The following RETREG3 variants were observed in gnomAD, a reference collection of about 807,000 sequenced individuals.
RETREG3 encodes reticulophagy regulator family member 3.
Under a neutral mutation model 50.2 loss-of-function variants are expected in RETREG3, and 23 were observed. The observed-to-expected ratio is 0.46, with a 90% CI of 0.33 to 0.65. The LOEUF is 0.65. Ranked by LOEUF, RETREG3 falls within the 30% of genes least tolerant of loss-of-function variation. The pLI, the probability that RETREG3 is intolerant of heterozygous loss-of-function variation, is 0.02. For synonymous variants in RETREG3, 240 were observed against 234.4 expected (o/e 1.02, Z -0.22); for missense variants, 546 against 598.0 (o/e 0.91, Z 0.91).
At chr17:42,598,414 C>A (rs2093152320) in intron 1 of RETREG3, among the ~76,000 whole-genome samples, 3 of 152,100 alleles carry the variant, frequency 2.0e-5, no homozygotes, top group South Asian at 4.1e-4. Flanking sequence ...AGAAAATATA[C>A]CCTTTATGAA....
intron 8 of RETREG3, 51 bp from the exon 9 acceptor site, chr17:42,582,321 T>C: frequency 6.5e-7 from 1 of 1,532,162 alleles, no homozygotes; most frequent in East Asian, 2.3e-5. Context: ...GGCCCTCCTG[T>C]GCCCCAGCCC....
At chr17:42,600,773 T>C (rs2093156949) in intron 1 of RETREG3, among the ~76,000 whole-genome samples, 1 of 152,238 alleles carries the variant, frequency 6.6e-6, no homozygotes, top group Non-Finnish European at 1.5e-5. Flanking sequence ...ATTCTCTTCA[T>C]TAAAAAATTC....
chr17:42,599,278 G>A (rs1045072569), intron 1 of RETREG3: 7 of 152,160 alleles, frequency 4.6e-5, no homozygotes, highest in Non-Finnish European at 1.0e-4. Context: ...CAGCTCTAGA[G>A]GCTTATTTCT....
chr17:42,597,605 ATATATATATATATATTTTTTTT>A (rs1468418366), intron 1 of RETREG3, among the ~76,000 whole-genome samples: 11 of 16,754 alleles, frequency 6.6e-4, no homozygotes, highest in African/African-American at 2.7e-3. Context: ...ATATATATAT[ATATATATATATATATTTTTTTT>A]TTTTTTTTTT....
chr17:42,585,914 A>G (rs1422613025), intron 5 of RETREG3, 139 bp downstream of exon 5: 3 of 757,370 alleles, frequency 4.0e-6, no homozygotes, highest in Non-Finnish European at 6.7e-6. Context: ...TCATGACACT[A>G]AACAGGTCAT....
Position 42,598,278 on chromosome 17 carries a change from G to A in RETREG3, c.240-6116C>T, listed in dbSNP as rs537870098. Among the ~76,000 whole-genome samples, 17 of 152,012 alleles carry A rather than the reference G, an allele frequency of 1.1e-4. 1 individual carries two copies. The South Asian group carries it at 3.1e-3, about 28-fold the overall frequency. Reference sequence around the variant, plus strand: ...TTACAGACGTGAGCCACCGCACCCGGCCTCTTCCTCTGAAGTTATTATTGT... The same window carrying A: ...TTACAGACGTGAGCCACCGCACCCGACCTCTTCCTCTGAAGTTATTATTGT... On this transcript the variant is annotated intron_variant, in intron 1 of 8. Transcript: ENST00000309428.
At chr17:42,598,952 G>A (rs970224915) in intron 1 of RETREG3, 2 of 152,074 alleles carry the variant, frequency 1.3e-5, no homozygotes, top group African/African-American at 4.8e-5. Context: ...TATTATAAGG[G>A]ATATGTTTTT....
chr17:42,593,416 G>C (rs1470488707), intron 1 of RETREG3, among the ~76,000 whole-genome samples: 2 of 152,118 alleles, frequency 1.3e-5, no homozygotes, highest in Non-Finnish European at 1.5e-5. Flanking sequence ...TTGGGAGGCA[G>C]AGGCGGGCAG....
Position 42,581,841 on chromosome 17 carries a change from A to G in RETREG3, c.1373T>C (p.Leu458Pro). ...GTGGCTCCTAGAACTGGCAGGGTCC[A>G]GCTGACTCAGCTCCGACTGGTCCAG... is the stretch of plus-strand genomic sequence containing the variant. Reference protein sequence around the residue: ...ELLDQSELSQLDPASSRSH With the variant: ...ELLDQSELSQPDPASSRSH Residue 458 changes from leucine (L) to proline (P), a missense_variant, in exon 9 of 9, where the codon CTG becomes CCG. Physicochemically the swap from Leu to Pro is moderately conservative, Grantham distance 98 (BLOSUM62 -3). Coordinates refer to ENST00000309428, the MANE Select transcript of RETREG3 (RefSeq NM_178126.4). 1 of 1,600,766 alleles carries G rather than the reference A, an allele frequency of 6.2e-7. No individual in the cohort carries two copies. Among genetic ancestry groups the G allele is most frequent in the Non-Finnish European group, 8.5e-7 (1 of 1,171,422 alleles).
intron 1 of RETREG3, among the ~76,000 whole-genome samples, chr17:42,602,395 A>G (rs2093160354): frequency 1.3e-5 from 2 of 152,166 alleles, no homozygotes; most frequent in Admixed American, 6.6e-5. Flanking sequence ...TTCATCTGCC[A>G]GCAGCAGAGA....
chr17:42,602,307 A>G (rs879541688), intron 1 of RETREG3, among the ~76,000 whole-genome samples: 2 of 127,640 alleles, frequency 1.6e-5, no homozygotes, highest in Non-Finnish European at 3.4e-5. Flanking sequence ...ACAGAGTAAG[A>G]CTCCGTTTCA....
intron 2 of RETREG3, among the ~76,000 whole-genome samples, chr17:42,588,343 G>A (rs981809783): frequency 8.0e-5 from 12 of 150,614 alleles, no homozygotes; most frequent in Non-Finnish European, 1.3e-4. Flanking sequence ...TGCAAGCTCC[G>A]CCTCCCATTC....
chr17:42,584,495 G>C (rs1310721822), intron 6 of RETREG3, among the ~76,000 whole-genome samples: 2 of 152,118 alleles, frequency 1.3e-5, no homozygotes, highest in African/African-American at 4.8e-5. Context: ...CTAGTGAAGA[G>C]ACCAGGCTTA....
In RETREG3 at chr17:42,609,166, C is replaced by T. The variant is rs370887666; in HGVS notation, c.159G>A (p.Leu53=). The T allele has an allele frequency of 1.1e-5, 18 of 1,610,564 alleles. No individual in the cohort carries two copies. In the African/African-American group the frequency reaches 1.9e-4, roughly 17 times the overall value. ...ACACCAGGGCTGCCTGCACCCGACTCAGCAGAGGCTCGTAAGGCCCCAGCA... is the reference window on the plus strand; with the variant it reads ...ACACCAGGGCTGCCTGCACCCGACTTAGCAGAGGCTCGTAAGGCCCCAGCA... The part of the protein sequence containing the change: ...VEVLGPYEPL[L]SRVQAALVWE... Residue 53 remains leucine, a synonymous_variant, in exon 1 of 9, where the codon CTG becomes CTA. Transcript: ENST00000309428.
chr17:42,582,504 G>A (rs1181200593), intron 8 of RETREG3, among the ~76,000 whole-genome samples, 170 bp downstream of exon 8: 1 of 152,222 alleles, frequency 6.6e-6, no homozygotes. Flanking sequence ...AAGTCTTCAA[G>A]AAGGGCAGCA....
chr17:42,601,011 C>T (rs1001324274), intron 1 of RETREG3, among the ~76,000 whole-genome samples: 1 of 152,134 alleles, frequency 6.6e-6, no homozygotes, highest in African/African-American at 2.4e-5. Context: ...CGCAGTGGCT[C>T]AAACCTGTAA....
At chr17:42,586,666 A>C (rs1481410184) in intron 4 of RETREG3, 99 bp downstream of exon 4, 1 of 1,480,026 alleles carries the variant, frequency 6.8e-7, no homozygotes, top group Non-Finnish European at 9.1e-7. Flanking sequence ...CATAGTCTTT[A>C]CTTTCTTGAA....
chr17:42,609,121 G>A lies in RETREG3; in HGVS notation c.204C>T (p.Ser68=). 2 of 1,608,532 alleles carry A rather than the reference G, an allele frequency of 1.2e-6. No individual in the cohort carries two copies. Among genetic ancestry groups the A allele is most frequent in the Non-Finnish European group, 8.5e-7 (1 of 1,179,874 alleles). ...CGTTCAGCCCCAGGCACCACAGAGC[G>A]CTCCTAGCTGGCCGCTCCCACACCA... is the stretch of plus-strand genomic sequence containing the variant. ...AALVWERPAR[S]ALWCLGLNAA... Residue 68 remains serine (S), a synonymous_variant, in exon 1 of 9, where the codon AGC becomes AGT. Transcript: ENST00000309428.
At chr17:42,603,588 T>TA (rs2143426830) in intron 1 of RETREG3, among the ~76,000 whole-genome samples, 1 of 152,096 alleles carries the variant, frequency 6.6e-6, no homozygotes, top group East Asian at 1.9e-4. Flanking sequence ...GGGAAGTAAA[T>TA]AAACCAAGGC....
Sources: allele counts gnomAD v4.1 joint callset (sites outside exome capture counted in the v4.1 genomes callset), GRCh38; gene constraint gnomAD v4.1.1; transcripts MANE v1.5; gene names NCBI Gene and HGNC (gene_info 2026-07-23, HGNC 2026-07-21).